VCAN: variants seen among roughly 807,000 people sequenced by gnomAD.
VCAN encodes versican.
VCAN carries 44 observed loss-of-function variants against 245.5 expected under a neutral mutation model. The ratio of observed to expected loss-of-function variants is 0.18; its 90% CI spans 0.14 to 0.23. VCAN has a LOEUF of 0.23. Among genes scored for constraint, VCAN ranks in the 10% least tolerant of loss-of-function variants. The probability of loss-of-function intolerance (pLI) is 1.00; values close to 1 mark genes in which losing one functional copy is unlikely to be tolerated. For synonymous variants in VCAN, 1,413 were observed against 1,437.0 expected (o/e 0.98, Z 0.38); for missense variants, 3,793 against 4,057.9 (o/e 0.93, Z 1.77).
chr5:83,518,893 G>C (rs934844008), intron 6 of VCAN, among the ~76,000 whole-genome samples: 6 of 152,166 alleles, frequency 3.9e-5, no homozygotes, highest in Admixed American at 3.9e-4. Flanking sequence ...TTGAAAAGAA[G>C]GGAGCATGTG....
At chr5:83,546,242 GA>G (rs201135741) in intron 9 of VCAN, among the ~76,000 whole-genome samples, 158 of 141,350 alleles carry the variant, frequency 1.1e-3, no homozygotes, top group Admixed American at 4.0e-3. Flanking sequence ...TCTCTTTAAA[GA>G]AAAAAAAAAA....
At chr5:83,512,457 T>C in intron 6 of VCAN, 61 bp downstream of exon 6, 1 of 1,573,650 alleles carries the variant, frequency 6.4e-7, no homozygotes, top group Admixed American at 1.7e-5. Context: ...GAAGCATGCA[T>C]TGATGTTCAA....
intron 6 of VCAN, among the ~76,000 whole-genome samples, chr5:83,516,790 T>C (rs927325108): frequency 6.6e-6 from 1 of 152,250 alleles, no homozygotes; most frequent in Non-Finnish European, 1.5e-5. Context: ...TACAGTGGTA[T>C]TTATTCTTAA....
chr5:83,525,049 T>G (rs1018581514), intron 7 of VCAN, among the ~76,000 whole-genome samples: 25 of 150,776 alleles, frequency 1.7e-4, no homozygotes, highest in African/African-American at 6.1e-4. Context: ...AAATCTTGTT[T>G]TTTTTTTTTT....
chr5:83,498,274 C>T (rs1745221673), intron 5 of VCAN, among the ~76,000 whole-genome samples: 2 of 152,164 alleles, frequency 1.3e-5, no homozygotes, highest in African/African-American at 4.8e-5. Context: ...TAATTACCCT[C>T]TTGCAAATAT....
intron 5 of VCAN, among the ~76,000 whole-genome samples, chr5:83,504,984 T>A (rs1166919349): frequency 6.6e-6 from 1 of 152,092 alleles, no homozygotes; most frequent in Non-Finnish European, 1.5e-5. Context: ...TTAGATCTCA[T>A]GAGACTTATT....
intron 6 of VCAN, among the ~76,000 whole-genome samples, chr5:83,513,354 T>C (rs1019148951): frequency 1.5e-4 from 23 of 152,326 alleles, no homozygotes; most frequent in Admixed American, 3.9e-4. Context: ...GCAATATGTC[T>C]CTAAAACGAG....
At position 83,519,721 on chromosome 5, in the gene VCAN, A is replaced by T. The variant is rs751690073; in HGVS notation, c.1415A>T (p.Asp472Val). 6.2e-7 allele frequency: 1 copy of T among 1,614,044 alleles called. No individual in the cohort carries two copies. The highest frequency in any genetic ancestry group is 1.3e-5 in the African/African-American group (1 of 74,926). ...STTGVSHYATDSWDGVVEDKQ... is the reference protein window; with the variant it reads ...STTGVSHYATVSWDGVVEDKQ... ...ACTGGCGTCTCTCATTATGCTACGG[A>T]TTCATGGGATGGTGTCGTGGAAGAT... is the stretch of plus-strand genomic sequence containing the variant. The change falls in exon 7 of 15, where the codon GAT becomes GTT. Residue 472 changes from aspartate (D) to valine (V), a missense_variant. Physicochemically the swap from Asp to Val is radical, Grantham distance 152. This residue lies in a region of VCAN where 3,182 missense variants were observed against 3,250.3 expected (regional missense o/e 0.98). Coordinates refer to ENST00000265077, the MANE Select transcript of VCAN (RefSeq NM_004385.5).
Position 83,490,283 on chromosome 5 carries a change from G to T in VCAN, c.256G>T (p.Ala86Ser), listed in dbSNP as rs1480817689. ...KDLKETTVLVAQNGNIKIGQD... is the reference protein window; with the variant it reads ...KDLKETTVLVSQNGNIKIGQD... ...TTTGAAAGAGACTACTGTCCTTGTG[G>T]CCCAAAATGGAAATATCAAGATTGG... The change falls in exon 3 of 15, where the codon GCC becomes TCC. Residue 86 changes from alanine to serine, a missense_variant. This residue lies in a region of VCAN where 179 missense variants were observed against 169.7 expected (regional missense o/e 1.05). Transcript: ENST00000265077. 2 of 1,614,182 alleles carry T rather than the reference G, an allele frequency of 1.2e-6. No individual in the cohort carries two copies. The highest frequency in any genetic ancestry group is 3.3e-5 in the Admixed American group (2 of 60,022).
At chr5:83,494,220 T>G (rs1344789773) in intron 5 of VCAN, among the ~76,000 whole-genome samples, 1 of 152,168 alleles carries the variant, frequency 6.6e-6, no homozygotes, top group Admixed American at 6.5e-5. Context: ...TCATTGAGAA[T>G]AGAAAGCTGT....
chr5:83,579,630 T>C (rs1363068968), intron 13 of VCAN, among the ~76,000 whole-genome samples: 3 of 152,180 alleles, frequency 2.0e-5, no homozygotes, highest in Non-Finnish European at 4.4e-5. Context: ...CAAGTGAAGG[T>C]AATTAAGAAA....
In VCAN at chr5:83,545,722, G is replaced by A; in HGVS notation, c.9379+72G>A. The A allele has an allele frequency of 3.4e-6, 4 of 1,171,484 alleles. No individual in the cohort carries two copies. The South Asian group carries it at 3.7e-5, about 11-fold the overall frequency. The allele number at this position is 1,171,484 out of a possible 1,614,324, so 72.6% of individuals were successfully genotyped here. On this transcript the variant is annotated intron_variant, in intron 9 of 14. Coordinates refer to ENST00000265077, the MANE Select transcript of VCAN (RefSeq NM_004385.5). Reference sequence around the variant, plus strand: ...ATATTGGGGGAGAATTTATGTTGTCGAATCAATCAGAGATTTCAAAGAAAC... The same window carrying A: ...ATATTGGGGGAGAATTTATGTTGTCAAATCAATCAGAGATTTCAAAGAAAC...
intron 6 of VCAN, among the ~76,000 whole-genome samples, chr5:83,515,069 TA>T (rs1303810828): frequency 3.9e-5 from 6 of 152,224 alleles, no homozygotes; most frequent in African/African-American, 1.2e-4. Context: ...AGTCACTGAC[TA>T]AAACATTCAC....
chr5:83,500,063 A>G (rs576946566), intron 5 of VCAN, among the ~76,000 whole-genome samples: 65 of 152,284 alleles, frequency 4.3e-4, no homozygotes, highest in African/African-American at 1.5e-3. Context: ...CAGATTGCCT[A>G]TTAATTTTAA....
chr5:83,539,195 A>C lies in VCAN; in HGVS notation c.6192A>C (p.Ala2064=). The C allele has an allele frequency of 6.2e-7, 1 of 1,614,018 alleles. No homozygotes were observed. Among genetic ancestry groups the C allele is most frequent in the Non-Finnish European group, 8.5e-7 (1 of 1,179,978 alleles). Residue 2064 remains alanine, a synonymous_variant, in exon 8 of 15, where the codon GCA becomes GCC. Coordinates refer to ENST00000265077, the MANE Select transcript of VCAN (RefSeq NM_004385.5). ...GAAGATCCACCATTTTACCAACAGC[A>C]GAAGTGGAAGGTACGAAAGCTCCAG... The part of the protein sequence containing the change: ...IDRRSTILPT[A]EVEGTKAPVE...
Position 83,539,099 on chromosome 5 carries a change from G to A in VCAN, c.6096G>A (p.Lys2032=). 1.2e-6 allele frequency: 2 copies of A among 1,613,992 alleles called. No individual in the cohort carries two copies. Among genetic ancestry groups the A allele is most frequent in the Non-Finnish European group, 1.7e-6 (2 of 1,179,976 alleles). The change falls in exon 8 of 15, where the codon AAG becomes AAA. Residue 2032 remains lysine (K), a synonymous_variant. Transcript: ENST00000265077. Reference sequence around the variant, plus strand: ...CAGTGCTTCCCAGTGCTGTGCAAAAGTTTTCTGGTACAGCTTCCTCCATTA... The same window carrying A: ...CAGTGCTTCCCAGTGCTGTGCAAAAATTTTCTGGTACAGCTTCCTCCATTA... The part of the protein sequence containing the change: ...VVPVLPSAVQ[K]FSGTASSIID...
rs1747183098 is a variant in VCAN, at chr5:83,545,659, G to C, written c.9379+9G>C. On this transcript the variant is annotated intron_variant, in intron 9 of 14. Coordinates refer to ENST00000265077, the MANE Select transcript of VCAN (RefSeq NM_004385.5). Reference sequence around the variant, plus strand: ...AGACCAGTGTGAACTTGGTAAGATGGTACTTGGCTGAAAAGGTGCAGTTCT... The same window carrying C: ...AGACCAGTGTGAACTTGGTAAGATGCTACTTGGCTGAAAAGGTGCAGTTCT... 6.2e-7 allele frequency: 1 copy of C among 1,603,084 alleles called. No homozygotes were observed. Among genetic ancestry groups the C allele is most frequent in the Non-Finnish European group, 8.5e-7 (1 of 1,170,070 alleles).
At chr5:83,558,085 TCTC>T (rs1217578584) in intron 12 of VCAN, among the ~76,000 whole-genome samples, 7 of 152,126 alleles carry the variant, frequency 4.6e-5, no homozygotes, top group African/African-American at 1.2e-4. Context: ...ATTCAACTGA[TCTC>T]CTGCCCACTT....
chr5:83,564,360 A>G (rs984161666), intron 12 of VCAN, among the ~76,000 whole-genome samples: 3 of 152,140 alleles, frequency 2.0e-5, no homozygotes, highest in Non-Finnish European at 2.9e-5. Context: ...CATTCACAGA[A>G]CTACACCCAG....
Sources: allele counts gnomAD v4.1 joint callset (sites outside exome capture counted in the v4.1 genomes callset), GRCh38; gene constraint gnomAD v4.1.1; regional missense constraint gnomAD v4.1.1; transcripts MANE v1.5; gene names NCBI Gene and HGNC (gene_info 2026-07-23, HGNC 2026-07-21).